GPR139: variants seen among roughly 807,000 people sequenced by gnomAD.
GPR139 encodes probable G protein-coupled receptor 139.
Under a neutral mutation model 25.8 loss-of-function variants are expected in GPR139, and 12 were observed. The ratio of observed to expected loss-of-function variants is 0.47; its 90% confidence interval spans 0.30 to 0.75. GPR139 has a LOEUF of 0.75. GPR139 is among the 30% of genes least tolerant of loss of function. GPR139 has a pLI of 0.07. For missense variants in GPR139, 380 were observed against 450.2 expected (o/e 0.84, Z 1.41); for synonymous variants, 184 against 179.9 (o/e 1.02, Z -0.18).
At chr16:20,056,133 G>A (rs996098624) in intron 1 of GPR139, among the ~76,000 whole-genome samples, 16 of 152,132 alleles carry the variant, frequency 1.1e-4, no homozygotes, top group African/African-American at 3.9e-4. Context: ...GCAGTATTTG[G>A]CTACTGACTT....
rs532672278 is a variant in GPR139, at chr16:20,073,722, C to T, written c.-106G>A. On this transcript the variant is annotated 5_prime_UTR_variant, in exon 1 of 2. Transcript: ENST00000570682. This position sits in a 1 kb window ranked among gnomAD's most constrained non-coding sequence, Gnocchi z 4.7. Reference sequence around the variant, plus strand: ...GCGGAGGCAGCGGCAGCTGGAGCAGCAGCGCCTCTCTCCCCGCAGGACTGG... The same window carrying T: ...GCGGAGGCAGCGGCAGCTGGAGCAGTAGCGCCTCTCTCCCCGCAGGACTGG... 1.5e-6 allele frequency: 2 copies of T among 1,362,596 alleles called. No homozygotes were observed. 84.4% of individuals were successfully genotyped at this position (1,362,596 alleles called of 1,614,324 possible). A position where few individuals can be genotyped will look rare whatever the true frequency, so the allele number is the denominator to read the frequency against.
intron 1 of GPR139, among the ~76,000 whole-genome samples, chr16:20,051,305 C>T (rs2057371286): frequency 6.6e-6 from 1 of 152,182 alleles, no homozygotes; most frequent in East Asian, 1.9e-4. Flanking sequence ...ACACCCTCCT[C>T]CGCGTCTTGG....
intron 1 of GPR139, among the ~76,000 whole-genome samples, chr16:20,041,135 G>GGAGC (rs1460930661): frequency 6.4e-3 from 3 of 472 alleles, no homozygotes; most frequent in African/African-American, 0.029. Flanking sequence ...GGAAAGGAGA[G>GGAGC]GAGAGGAGAG....
chr16:20,032,412 C>A lies in GPR139; in HGVS notation c.385G>T (p.Ala129Ser). Residue 129 changes from alanine (A) to serine (S), a missense_variant, in exon 2 of 2, where the codon GCT (alanine) becomes TCT (serine). Coordinates refer to ENST00000570682, the MANE Select transcript of GPR139 (RefSeq NM_001002911.4). ...TGGTACTTGAGCGGGTGGCAGACAG[C>A]GATATACCTGTCAATGGTTAACGGT... is the stretch of plus-strand genomic sequence containing the variant. ...TVPLTIDRYI[A>S]VCHPLKYHTV... 6.2e-7 allele frequency: 1 copy of A among 1,614,060 alleles called. No homozygotes were observed. The highest frequency in any genetic ancestry group is 8.5e-7 in the Non-Finnish European group (1 of 1,180,012).
At chr16:20,035,801 T>A (rs1354211838) in intron 1 of GPR139, among the ~76,000 whole-genome samples, 1 of 152,218 alleles carries the variant, frequency 6.6e-6, no homozygotes, top group African/African-American at 2.4e-5. Context: ...TTGGGTTTAT[T>A]AAGACAAAGA....
Position 20,073,856 on chromosome 16 carries a change from C to T in GPR139, c.-240G>A, listed in dbSNP as rs1277948122. 2 of 462,144 alleles carry T rather than the reference C, an allele frequency of 4.3e-6. No homozygotes were observed. The highest frequency in any genetic ancestry group is 7.4e-6 in the Non-Finnish European group (2 of 270,034). The allele number at this position is 462,144 out of a possible 1,614,324, so 28.6% of individuals were successfully genotyped here. A position where few individuals can be genotyped will look rare whatever the true frequency, so the allele number is the denominator to read the frequency against. On this transcript the variant is annotated 5_prime_UTR_variant, in exon 1 of 2. Transcript: ENST00000570682. The surrounding 1 kb of genome is among the most constrained non-coding windows in gnomAD (Gnocchi z 4.7). ...GGCGCAGGGTGCGGGGCGCGCTGCG[C>T]GGGGCCTCGGGAGGGGCTCCCGGAG...
rs1481712468 is a variant in GPR139, at chr16:20,029,415, C to G, written c.*2320G>C. On this transcript the variant is annotated 3_prime_UTR_variant, in exon 2 of 2. Transcript: ENST00000570682. ...TTGCTTAACCTTTGTAGATATTGCA[C>G]TTTGACTCATTCATGTGTAGCTCAA... Among the ~76,000 whole-genome samples the G allele has an allele frequency of 4.6e-5, 7 of 151,728 alleles. No homozygotes were observed. The highest frequency in any genetic ancestry group is 1.0e-4 in the Non-Finnish European group (7 of 67,974).
intron 1 of GPR139, among the ~76,000 whole-genome samples, chr16:20,052,308 C>T (rs1265216741): frequency 2.0e-5 from 3 of 152,184 alleles, no homozygotes; most frequent in Non-Finnish European, 4.4e-5. Flanking sequence ...TTCCTTTTTC[C>T]TCTGCGATAC....
chr16:20,068,561 G>A (rs890169749), intron 1 of GPR139, among the ~76,000 whole-genome samples: 10 of 152,034 alleles, frequency 6.6e-5, no homozygotes, highest in African/African-American at 2.2e-4. Flanking sequence ...TCTGTGAACC[G>A]AAACTACTGA....
At chr16:20,064,360 G>A (rs1012566284) in intron 1 of GPR139, among the ~76,000 whole-genome samples, 8 of 152,118 alleles carry the variant, frequency 5.3e-5, no homozygotes, top group African/African-American at 1.9e-4. Flanking sequence ...GGCCAACATG[G>A]TGAAACCCTG....
intron 1 of GPR139, among the ~76,000 whole-genome samples, chr16:20,050,595 A>G (rs146859052): frequency 3.3e-5 from 5 of 152,246 alleles, no homozygotes; most frequent in African/African-American, 1.2e-4. Context: ...CTTTTATGTC[A>G]TCTGCTCACC....
At chr16:20,059,670 G>A (rs368255907) in intron 1 of GPR139, among the ~76,000 whole-genome samples, 4 of 152,126 alleles carry the variant, frequency 2.6e-5, no homozygotes, top group East Asian at 3.8e-4. Flanking sequence ...GGACTTCTTC[G>A]TATTTTTCTT....
At chr16:20,039,486 T>C (rs906453834) in intron 1 of GPR139, among the ~76,000 whole-genome samples, 4 of 152,208 alleles carry the variant, frequency 2.6e-5, no homozygotes, top group African/African-American at 9.7e-5. Flanking sequence ...AAATTAAACA[T>C]TATATCAGTG....
chr16:20,071,222 T>C (rs2057458477), intron 1 of GPR139, among the ~76,000 whole-genome samples: 2 of 152,222 alleles, frequency 1.3e-5, no homozygotes, highest in Admixed American at 1.3e-4. Flanking sequence ...CAGCAGAATC[T>C]GGATTAACAT....
intron 1 of GPR139, among the ~76,000 whole-genome samples, chr16:20,057,655 C>A (rs998857158): frequency 3.3e-5 from 5 of 151,976 alleles, no homozygotes; most frequent in Admixed American, 2.0e-4. Flanking sequence ...ACCTACCAGG[C>A]CCCCTACCAT....
At chr16:20,049,439 C>T (rs12448629) in intron 1 of GPR139, among the ~76,000 whole-genome samples, 12,398 of 152,286 alleles carry the variant, frequency 0.081, 593 homozygotes, top group Non-Finnish European at 0.11. Context: ...AAATTCCCCA[C>T]TTACTGACTT....
chr16:20,045,599 C>A (rs555265170), intron 1 of GPR139, among the ~76,000 whole-genome samples: 1 of 152,152 alleles, frequency 6.6e-6, no homozygotes, highest in Non-Finnish European at 1.5e-5. Flanking sequence ...CATCAGCTGG[C>A]ACCTATGAGG....
At chr16:20,047,714 A>G (rs2141207275) in intron 1 of GPR139, among the ~76,000 whole-genome samples, 1 of 146,166 alleles carries the variant, frequency 6.8e-6, no homozygotes, top group South Asian at 2.1e-4. Context: ...TTTAGAAGGC[A>G]TGTCCTAGCG....
In GPR139 at chr16:20,073,288, G is replaced by C. The variant is rs2057466927; in HGVS notation, c.127+202C>G. Among the ~76,000 whole-genome samples the C allele has an allele frequency of 7.0e-6, 1 of 143,234 alleles. No individual in the cohort carries two copies. The highest frequency in any genetic ancestry group is 2.4e-5 in the African/African-American group (1 of 40,862). The allele number at this position is 143,234 out of a possible 152,430, so 94.0% of individuals were successfully genotyped here. Reference sequence around the variant, plus strand: ...CACACACACACACACACGCTCGCGCGCGCACACACACACACACGGTCCCCA... The same window carrying C: ...CACACACACACACACACGCTCGCGCCCGCACACACACACACACGGTCCCCA... On this transcript the variant is annotated intron_variant, in intron 1 of 1. Coordinates refer to ENST00000570682, the MANE Select transcript of GPR139 (RefSeq NM_001002911.4). This position sits in a 1 kb window ranked among gnomAD's most constrained non-coding sequence, Gnocchi z 4.7.
Sources: gnomAD v4.1 joint callset for allele counts (sites outside exome capture counted in the v4.1 genomes callset) on GRCh38, gnomAD v4.1.1 for gene constraint, Gnocchi (gnomAD v3.1) non-coding constraint, MANE v1.5 for transcripts, NCBI Gene and HGNC (gene_info 2026-07-23, HGNC 2026-07-21) for gene names.